Variants in EIPR1 observed in about 807,000 individuals in gnomAD.
The protein encoded by EIPR1 is EARP complex and GARP complex interacting protein 1.
EIPR1 carries 25 observed loss-of-function variants against 48.1 expected under a neutral mutation model. That is an observed-to-expected ratio of 0.52 (90% CI 0.38 to 0.73). EIPR1 has a LOEUF of 0.73. Among genes scored for constraint, EIPR1 ranks in the 30% least tolerant of loss-of-function variants. The pLI is 0.00. For synonymous variants in EIPR1, 204 were observed against 201.9 expected (o/e 1.01, Z -0.09); for missense variants, 415 against 506.2 (o/e 0.82, Z 1.73).
rs186478629 is a variant in EIPR1, at chr2:3,240,026, A to T, written c.416+17273T>A. 1.4e-4 allele frequency among the ~76,000 whole-genome samples: 21 copies of T among 151,716 alleles called. 1 individual carries two copies. Among genetic ancestry groups the T allele is most frequent in the African/African-American group, 5.1e-4 (21 of 41,370 alleles). On this transcript the variant is annotated intron_variant, in intron 4 of 8. Transcript: ENST00000382125. The stretch of plus-strand genomic sequence containing the variant: ...GACTCTTCCTAAAGAAAGAAAAGCC[A>T]GCAGATCCTTCCTAAGGAAAAGCCA...
intron 3 of EIPR1, chr2:3,319,380 A>G (rs945472805): frequency 5.5e-6 from 1 of 180,942 alleles, no homozygotes; most frequent in Non-Finnish European, 1.2e-5. Flanking sequence ...TCATTCCCAG[A>G]AAGCGCCGAT....
chr2:3,376,229 C>CA (rs1659877573), intron 1 of EIPR1, among the ~76,000 whole-genome samples: 1 of 152,118 alleles, frequency 6.6e-6, no homozygotes, highest in South Asian at 2.1e-4. Context: ...CATTTAATTT[C>CA]ATAACAGCCA....
chr2:3,372,407 C>T (rs1479690871), intron 1 of EIPR1, among the ~76,000 whole-genome samples: 1 of 149,710 alleles, frequency 6.7e-6, no homozygotes, highest in Non-Finnish European at 1.5e-5. Flanking sequence ...GAAATAGAGA[C>T]ACAAAAAACC....
chr2:3,202,831 C>T (rs1026101535), intron 5 of EIPR1, among the ~76,000 whole-genome samples: 5 of 152,236 alleles, frequency 3.3e-5, no homozygotes, highest in African/African-American at 1.2e-4. Flanking sequence ...CTTAAGGACT[C>T]GTCTAGATTT....
At chr2:3,299,616 T>TCA (rs1490452786) in intron 3 of EIPR1, among the ~76,000 whole-genome samples, 2 of 130,958 alleles carry the variant, frequency 1.5e-5, no homozygotes, top group African/African-American at 2.9e-5. Context: ...TCTCTCTCTC[T>TCA]CTCTCTCTCA....
intron 2 of EIPR1, among the ~76,000 whole-genome samples, chr2:3,338,395 G>A (rs1035039083): frequency 6.6e-6 from 1 of 152,192 alleles, no homozygotes; most frequent in African/African-American, 2.4e-5. Context: ...CTGCCATCCG[G>A]TCATATCCAG....
chr2:3,250,490 T>C (rs909015011), intron 4 of EIPR1, among the ~76,000 whole-genome samples: 2 of 152,228 alleles, frequency 1.3e-5, no homozygotes, highest in South Asian at 2.1e-4. Flanking sequence ...AATGAGACTT[T>C]GGATTTTTGA....
At chr2:3,262,562 C>A (rs1003311099) in intron 3 of EIPR1, among the ~76,000 whole-genome samples, 28 of 152,240 alleles carry the variant, frequency 1.8e-4, no homozygotes, top group African/African-American at 6.3e-4. Flanking sequence ...CAAGAGGGCA[C>A]TACAGCAAGA....
At chr2:3,224,266 A>G (rs991476837) in intron 4 of EIPR1, among the ~76,000 whole-genome samples, 15 of 152,198 alleles carry the variant, frequency 9.9e-5, no homozygotes, top group African/African-American at 3.4e-4. Flanking sequence ...ATCCAGACAC[A>G]GTCTTAGGCT....
intron 7 of EIPR1, among the ~76,000 whole-genome samples, chr2:3,193,309 G>C (rs1015730091): frequency 6.6e-6 from 1 of 152,204 alleles, no homozygotes; most frequent in Non-Finnish European, 1.5e-5. Flanking sequence ...ATACAGAGAT[G>C]CAGGCCATAG....
At chr2:3,341,897 ATTC>A (rs1558310126) in intron 2 of EIPR1, among the ~76,000 whole-genome samples, 1 of 152,198 alleles carries the variant, frequency 6.6e-6, no homozygotes, top group East Asian at 1.9e-4. Context: ...AAGAAAATTT[ATTC>A]TTTATTATAA....
At chr2:3,333,871 G>A (rs1669968769) in intron 3 of EIPR1, among the ~76,000 whole-genome samples, 1 of 152,032 alleles carries the variant, frequency 6.6e-6, no homozygotes, top group Admixed American at 6.6e-5. Context: ...AACAACTCAC[G>A]CCAGCTGGCC....
chr2:3,234,169 G>A (rs551737036), intron 4 of EIPR1, among the ~76,000 whole-genome samples: 1 of 152,194 alleles, frequency 6.6e-6, no homozygotes, highest in East Asian at 1.9e-4. Flanking sequence ...CAAAAAACTT[G>A]CAGGAATGAG....
intron 3 of EIPR1, chr2:3,319,065 T>C (rs1009644573): frequency 1.7e-5 from 7 of 418,638 alleles, no homozygotes; most frequent in Non-Finnish European, 3.4e-5. Context: ...GAGAAAAGTG[T>C]TTAAGATATT....
rs796356522 is a variant in EIPR1 at position 3,361,474 on chromosome 2, GA to G, written c.43-6842del. 2.6e-3 allele frequency among the ~76,000 whole-genome samples: 370 copies of G among 140,242 alleles called. 4 individuals carry two copies. Among genetic ancestry groups the G allele is most frequent in the African/African-American group, 7.4e-3 (282 of 38,306 alleles). 92.0% of individuals were successfully genotyped at this position (140,242 alleles called of 152,430 possible). A position where few individuals can be genotyped will look rare whatever the true frequency, so the allele number is the denominator to read the frequency against. ...CAGCTCACATGTCCCTTTCTCCTTG[GA>G]AAAAAAAAAAAACTGTCTTTGACTT... On this transcript the variant is annotated intron_variant, in intron 1 of 8. Transcript: ENST00000382125.
intron 4 of EIPR1, among the ~76,000 whole-genome samples, chr2:3,236,891 T>C (rs1243651802): frequency 6.6e-6 from 1 of 152,202 alleles, no homozygotes; most frequent in Non-Finnish European, 1.5e-5. Context: ...TTCAGGAAGC[T>C]TGTTGGCTTC....
intron 2 of EIPR1, among the ~76,000 whole-genome samples, chr2:3,348,530 A>T (rs1670472527): frequency 6.6e-6 from 1 of 152,166 alleles, no homozygotes; most frequent in Non-Finnish European, 1.5e-5. Flanking sequence ...AGAACCCCAG[A>T]AAGCGAGCAA....
intron 1 of EIPR1, among the ~76,000 whole-genome samples, chr2:3,367,108 A>G (rs905998522): frequency 5.4e-5 from 2 of 36,998 alleles, no homozygotes; most frequent in African/African-American, 1.2e-4. Flanking sequence ...TGATGAAATT[A>G]AAAAAAAAAA....
intron 4 of EIPR1, among the ~76,000 whole-genome samples, chr2:3,216,324 C>T (rs1187249268): frequency 6.6e-6 from 1 of 152,022 alleles, no homozygotes; most frequent in Non-Finnish European, 1.5e-5. Context: ...GTGTGCTTCC[C>T]ACCAAAAAAC....
Sources: gnomAD v4.1 joint callset for allele counts (sites outside exome capture counted in the v4.1 genomes callset) on GRCh38, gnomAD v4.1.1 for gene constraint, MANE v1.5 for transcripts, NCBI Gene and HGNC (gene_info 2026-07-23, HGNC 2026-07-21) for gene names.